CLOCK: variants seen among roughly 807,000 people sequenced by gnomAD.
The protein encoded by CLOCK is clock circadian regulator, also known as circadian locomoter output cycles protein kaput.
A neutral mutation model predicts 118.4 loss-of-function variants in CLOCK; 43 were observed. That is an observed-to-expected ratio of 0.36 (90% CI 0.28 to 0.47). CLOCK has a LOEUF of 0.47. CLOCK is among the 20% of genes least tolerant of loss of function. CLOCK has a pLI of 1.00. For synonymous variants in CLOCK, 326 were observed against 339.2 expected, an observed-to-expected ratio of 0.96 and a Z score of 0.43; for missense variants, 846 against 999.9, an observed-to-expected ratio of 0.85 and a Z score of 2.08.
intron 7 of CLOCK, among the ~76,000 whole-genome samples, chr4:55,471,439 G>T (rs953624602): frequency 2.6e-5 from 4 of 152,154 alleles, no homozygotes; most frequent in Admixed American, 6.6e-5. Context: ...GTGTAAAATG[G>T]ATTTAGAGGG....
intron 1 of CLOCK, among the ~76,000 whole-genome samples, chr4:55,536,847 G>A (rs1024441418): frequency 3.3e-5 from 5 of 151,952 alleles, no homozygotes; most frequent in African/African-American, 1.2e-4. Context: ...ACAATGCCTG[G>A]CATTCAATAA....
rs1432943884 is a variant in CLOCK at position 55,430,909 on chromosome 4, A to G, written c.*4506T>C. The G allele has an allele frequency of 6.6e-6, 1 of 152,200 alleles. No homozygotes were observed. The highest frequency in any genetic ancestry group is 2.4e-5 in the African/African-American group (1 of 41,446). 9.4% of individuals were successfully genotyped at this position (152,200 alleles called of 1,614,324 possible). A position where few individuals can be genotyped will look rare whatever the true frequency, so the allele number is the denominator to read the frequency against. On this transcript the variant is annotated 3_prime_UTR_variant, in exon 23 of 23. Transcript: ENST00000513440. ...ATCTACAATCTCTTGACTCCACCAC[A>G]TTCAAAACAAAAATCAAAGTTCATT...
chr4:55,466,094 T>C (rs530287064), intron 8 of CLOCK, among the ~76,000 whole-genome samples: 1 of 152,248 alleles, frequency 6.6e-6, no homozygotes, highest in South Asian at 2.1e-4. Context: ...CCCACCCAAA[T>C]CTCATCTTGT....
intron 15 of CLOCK, 180 bp downstream of exon 15, chr4:55,452,874 T>C: frequency 2.0e-6 from 1 of 497,774 alleles, no homozygotes; most frequent in Non-Finnish European, 3.6e-6. Context: ...AATTTTCTTT[T>C]TAGAGGCAGG....
intron 2 of CLOCK, among the ~76,000 whole-genome samples, chr4:55,497,888 T>G (rs1468070425): frequency 6.6e-6 from 1 of 151,932 alleles, no homozygotes. Context: ...AAAGATGAAT[T>G]AAACCCCAGA....
At chr4:55,530,365 A>G (rs993046049) in intron 1 of CLOCK, among the ~76,000 whole-genome samples, 2 of 152,164 alleles carry the variant, frequency 1.3e-5, no homozygotes, top group African/African-American at 4.8e-5. Flanking sequence ...TTGAATTTAA[A>G]TTTCTACACC....
At chr4:55,478,003 C>T (rs1019184413) in intron 6 of CLOCK, among the ~76,000 whole-genome samples, 6 of 151,934 alleles carry the variant, frequency 3.9e-5, no homozygotes, top group Non-Finnish European at 7.4e-5. Flanking sequence ...ACACTTTCAA[C>T]GAGTGGTGGA....
At chr4:55,460,570 C>G (rs1725261282) in intron 9 of CLOCK, among the ~76,000 whole-genome samples, 1 of 152,176 alleles carries the variant, frequency 6.6e-6, no homozygotes, top group Non-Finnish European at 1.5e-5. Context: ...ACCAAGGAAG[C>G]CTGCCAATTT....
At chr4:55,445,579 ATTCTTT>A (rs1311917723) in intron 18 of CLOCK, among the ~76,000 whole-genome samples, 1 of 65,518 alleles carries the variant, frequency 1.5e-5, no homozygotes, top group Non-Finnish European at 3.0e-5. Flanking sequence ...CTATTTCTAT[ATTCTTT>A]TTTTTTTTTT....
chr4:55,535,781 T>C (rs1560485102), intron 1 of CLOCK, among the ~76,000 whole-genome samples: 1 of 149,244 alleles, frequency 6.7e-6, no homozygotes, highest in Admixed American at 6.7e-5. Flanking sequence ...TGTTGCTCTG[T>C]CACCCAGGCT....
At chr4:55,546,376 G>C (rs1467588439) in intron 1 of CLOCK, 1 of 152,722 alleles carries the variant, frequency 6.5e-6, no homozygotes, top group East Asian at 1.9e-4. Flanking sequence ...ACACTAGAAC[G>C]ACACGCCAAA....
chr4:55,527,923 T>TTA (rs1405296376), intron 1 of CLOCK, among the ~76,000 whole-genome samples: 1 of 151,978 alleles, frequency 6.6e-6, no homozygotes, highest in African/African-American at 2.4e-5. Context: ...CACATGCCTA[T>TTA]TATCTCAGTA....
chr4:55,542,680 GAGCCTCTTCT>G (rs1472006054), intron 1 of CLOCK, among the ~76,000 whole-genome samples: 4 of 152,028 alleles, frequency 2.6e-5, no homozygotes, highest in Non-Finnish European at 4.4e-5. Flanking sequence ...CCAAACCAAA[GAGCCTCTTCT>G]CTCCTTTTCC....
chr4:55,449,458 G>C lies in CLOCK; in HGVS notation c.1387C>G (p.Pro463Ala). The C allele has an allele frequency of 6.2e-7, 1 of 1,613,988 alleles. No individual in the cohort carries two copies. The change falls in exon 17 of 23, where the codon CCC (proline) becomes GCC (alanine). Residue 463 changes from proline (P) to alanine (A), a missense_variant. By Grantham distance (27) the Pro-to-Ala change is conservative (BLOSUM62 -1). This residue lies in a region of CLOCK where 520 missense variants were observed against 558.0 expected (regional missense o/e 0.93). Transcript: ENST00000513440. ...TCATGAGCTGGTAAATGCTGCCTGG[G>C]TGGAGTGCTCGTATCCGTCGGGATC... ...TKIPTDTSTPPRQHLPAHEKM... is the reference protein window; with the variant it reads ...TKIPTDTSTPARQHLPAHEKM...
rs779307261 is a variant in CLOCK, at chr4:55,448,771, A to G, written c.1539+8T>C. ...AAATACGCAACTGAAACAAAAACCAAAAAGTACCTGGGACATGCCTTGTGG... is the reference window on the plus strand; with the variant it reads ...AAATACGCAACTGAAACAAAAACCAGAAAGTACCTGGGACATGCCTTGTGG... On this transcript the variant is annotated splice_region_variant and intron_variant, in intron 18 of 22. Coordinates refer to ENST00000513440, the MANE Select transcript of CLOCK (RefSeq NM_004898.4). The G allele has an allele frequency of 2.5e-6, 4 of 1,611,924 alleles. No individual in the cohort carries two copies. Among genetic ancestry groups the G allele is most frequent in the Non-Finnish European group, 2.5e-6 (3 of 1,178,706 alleles).
chr4:55,528,746 C>T (rs560351613), intron 1 of CLOCK, among the ~76,000 whole-genome samples: 2 of 152,184 alleles, frequency 1.3e-5, no homozygotes, highest in South Asian at 2.1e-4. Context: ...TAAGCAAGGG[C>T]CAGTGTCACC....
At chr4:55,501,301 A>C (rs1385289958) in intron 2 of CLOCK, among the ~76,000 whole-genome samples, 6 of 144,136 alleles carry the variant, frequency 4.2e-5, no homozygotes, top group African/African-American at 1.5e-4. Context: ...AGAATAATAA[A>C]TTGGTGTATA....
At chr4:55,544,107 T>C (rs1228228450) in intron 1 of CLOCK, among the ~76,000 whole-genome samples, 1 of 63,996 alleles carries the variant, frequency 1.6e-5, no homozygotes, top group Non-Finnish European at 3.1e-5. Flanking sequence ...TAAACAGGTT[T>C]TCAACAATCC....
Position 55,448,601 on chromosome 4 carries a change from CGTGTGTGTGTGTGTGTGT to C in CLOCK, c.1539+160_1539+177del, listed in dbSNP as rs3034980. On this transcript the variant is annotated intron_variant, in intron 18 of 22. Transcript: ENST00000513440. ...ATATATGTGCGCGCGCGCACGCGCG[CGTGTGTGTGTGTGTGTGT>C]GTGTGTGTGTGTGTGTGTGTGTGTG... 3.5e-3 allele frequency among the ~76,000 whole-genome samples: 411 copies of C among 117,040 alleles called. 2 individuals carry two copies. Among genetic ancestry groups the C allele is most frequent in the Non-Finnish European group, 5.1e-3 (277 of 54,846 alleles). The allele number at this position is 117,040 out of a possible 152,430, so 76.8% of individuals were successfully genotyped here. A position where few individuals can be genotyped will look rare whatever the true frequency, so the allele number is the denominator to read the frequency against.
Sources: gnomAD v4.1 joint callset for allele counts (sites outside exome capture counted in the v4.1 genomes callset) on GRCh38, gnomAD v4.1.1 for gene constraint, gnomAD v4.1.1 regional missense constraint, MANE v1.5 for transcripts, NCBI Gene and HGNC (gene_info 2026-07-23, HGNC 2026-07-21) for gene names.